VWA8: variants seen among roughly 807,000 people sequenced by gnomAD.
VWA8 encodes the protein von Willebrand factor A domain-containing protein 8.
In VWA8, 221 loss-of-function variants were observed where a neutral mutation model predicts 241.5. That is an observed-to-expected ratio of 0.91 (90% CI 0.82 to 1.02). The LOEUF (loss-of-function observed/expected upper bound fraction) is 1.02. Among genes scored for constraint, VWA8 ranks in the 50% least tolerant of loss-of-function variants. The pLI, the probability that VWA8 is intolerant of heterozygous loss-of-function variation, is 0.00. For synonymous variants in VWA8, 852 were observed against 827.1 expected (o/e 1.03, Z -0.52); for missense variants, 2,322 against 2,328.7 (o/e 1.00, Z 0.06).
intron 15 of VWA8, 132 bp downstream of exon 15, chr13:41,819,086 T>C: frequency 2.3e-6 from 2 of 874,066 alleles, no homozygotes; most frequent in South Asian, 2.0e-5. Context: ...CCTTCACCAC[T>C]GTATGAAGAA....
At chr13:41,711,346 T>A (rs575984055) in intron 26 of VWA8, among the ~76,000 whole-genome samples, 1 of 152,316 alleles carries the variant, frequency 6.6e-6, no homozygotes, top group Non-Finnish European at 1.5e-5. Context: ...CCAGATCTGT[T>A]TGAACCCAAT....
Position 41,891,458 on chromosome 13 carries a change from A to G in VWA8, c.613T>C (p.Phe205Leu). ...TCGTAACGCTCAGCAGACATCAGGA[A>G]GCGTCCATCTTCAAGCTGCATCTCT... ...NREMQLEDGR[F>L]LMSAERYDKL... is the part of the protein sequence containing the mutation. The change falls in exon 5 of 45, where the codon TTC becomes CTC. Residue 205 changes from phenylalanine to leucine, a missense_variant. Coordinates refer to ENST00000379310, the MANE Select transcript of VWA8 (RefSeq NM_015058.2). 6.2e-7 allele frequency: 1 copy of G among 1,614,214 alleles called. No homozygotes were observed. The highest frequency in any genetic ancestry group is 8.5e-7 in the Non-Finnish European group (1 of 1,180,032).
chr13:41,816,729 G>A lies in VWA8; in HGVS notation c.1916C>T (p.Thr639Ile). The A allele has an allele frequency of 6.2e-7, 1 of 1,613,710 alleles. No individual in the cohort carries two copies. The highest frequency in any genetic ancestry group is 8.5e-7 in the Non-Finnish European group (1 of 1,179,806). ...QEALDKLLSFTHKLRETQDPT... is the reference protein window; with the variant it reads ...QEALDKLLSFIHKLRETQDPT... ...ATCCTGTGTTTCTCTGAGTTTGTGT[G>A]TAAATGATAATAACTTATCCAGAGC... The change falls in exon 16 of 45, where the codon ACA becomes ATA. Residue 639 changes from threonine to isoleucine, a missense_variant. By Grantham distance (89) the Thr-to-Ile change is moderately conservative. Transcript: ENST00000379310.
At chr13:41,812,701 A>G (rs1870525500) in intron 16 of VWA8, among the ~76,000 whole-genome samples, 1 of 152,260 alleles carries the variant, frequency 6.6e-6, no homozygotes, top group African/African-American at 2.4e-5. Flanking sequence ...CTCAGCTACA[A>G]CATTAGTATT....
At chr13:41,885,276 A>G (rs1240390456) in intron 8 of VWA8, among the ~76,000 whole-genome samples, 1 of 152,230 alleles carries the variant, frequency 6.6e-6, no homozygotes, top group Non-Finnish European at 1.5e-5. Context: ...GTGATTAAAC[A>G]CATTTGCCTG....
At chr13:41,794,576 TA>T (rs1336985641) in intron 17 of VWA8, among the ~76,000 whole-genome samples, 1 of 152,236 alleles carries the variant, frequency 6.6e-6, no homozygotes, top group Non-Finnish European at 1.5e-5. Context: ...ATGTCATCTG[TA>T]AACAAAGATA....
At chr13:41,860,962 G>A (rs999785904) in intron 12 of VWA8, among the ~76,000 whole-genome samples, 1 of 151,702 alleles carries the variant, frequency 6.6e-6, no homozygotes, top group Non-Finnish European at 1.5e-5. Flanking sequence ...ATTTTAATGT[G>A]AAGAAAATAT....
At chr13:41,799,765 A>G (rs1869864657) in intron 17 of VWA8, among the ~76,000 whole-genome samples, 1 of 152,158 alleles carries the variant, frequency 6.6e-6, no homozygotes, top group African/African-American at 2.4e-5. Context: ...CTTTTTAAGT[A>G]TTAGCTCTAT....
intron 2 of VWA8, among the ~76,000 whole-genome samples, chr13:41,919,080 G>A (rs1180872206): frequency 2.0e-5 from 3 of 151,990 alleles, no homozygotes; most frequent in Non-Finnish European, 2.9e-5. Context: ...ATGAAAAAAC[G>A]ACATTTCCAC....
intron 21 of VWA8, among the ~76,000 whole-genome samples, chr13:41,745,123 G>A (rs942218344): frequency 6.6e-6 from 1 of 152,082 alleles, no homozygotes; most frequent in African/African-American, 2.4e-5. Flanking sequence ...ACAGGCATGA[G>A]CCACTGCACC....
At chr13:41,960,238 C>T (rs949148814) in intron 1 of VWA8, among the ~76,000 whole-genome samples, 14 of 152,214 alleles carry the variant, frequency 9.2e-5, no homozygotes, top group African/African-American at 3.1e-4. Flanking sequence ...CTTTTCCCTT[C>T]TGGGTTTCAA....
At chr13:41,952,411 C>T (rs1878176352) in intron 1 of VWA8, among the ~76,000 whole-genome samples, 3 of 152,130 alleles carry the variant, frequency 2.0e-5, no homozygotes, top group Admixed American at 2.0e-4. Context: ...TCTACAGTAG[C>T]TTTTCTTTTA....
chr13:41,777,395 G>A (rs1355874266), intron 20 of VWA8, among the ~76,000 whole-genome samples: 1 of 152,142 alleles, frequency 6.6e-6, no homozygotes, highest in African/African-American at 2.4e-5. Context: ...CATGTACTGA[G>A]GACCAGAGCA....
chr13:41,847,747 T>C (rs1872352458), intron 12 of VWA8, among the ~76,000 whole-genome samples: 1 of 152,184 alleles, frequency 6.6e-6, no homozygotes, highest in Admixed American at 6.5e-5. Flanking sequence ...GGGTAAAGTG[T>C]CTTTATTTTA....
At chr13:41,760,344 C>T (rs1308543448) in intron 21 of VWA8, among the ~76,000 whole-genome samples, 1 of 151,754 alleles carries the variant, frequency 6.6e-6, no homozygotes. Context: ...CTAACTCTGC[C>T]CTTTATTCTC....
At chr13:41,665,577 A>C (rs2044980490) in intron 37 of VWA8, among the ~76,000 whole-genome samples, 1 of 152,100 alleles carries the variant, frequency 6.6e-6, no homozygotes, top group African/African-American at 2.4e-5. Context: ...TTAAGTAAGT[A>C]CTTAATGTAA....
chr13:41,684,722 T>C (rs1180627286), intron 35 of VWA8, among the ~76,000 whole-genome samples: 1 of 152,176 alleles, frequency 6.6e-6, no homozygotes, highest in Non-Finnish European at 1.5e-5. Flanking sequence ...CTTAGGAGTT[T>C]AAGACAAAAG....
intron 26 of VWA8, among the ~76,000 whole-genome samples, chr13:41,710,782 C>T (rs968899667): frequency 6.6e-6 from 1 of 152,190 alleles, no homozygotes; most frequent in Non-Finnish European, 1.5e-5. Flanking sequence ...GTTGGATAAA[C>T]AGTAAACTGA....
chr13:41,737,884 T>TA (rs1461196771), intron 21 of VWA8, among the ~76,000 whole-genome samples: 3 of 150,320 alleles, frequency 2.0e-5, no homozygotes, highest in Non-Finnish European at 4.4e-5. Context: ...AATGTAAAAT[T>TA]AAAAAAAAGA....
Sources: allele counts gnomAD v4.1 joint callset (sites outside exome capture counted in the v4.1 genomes callset), GRCh38; gene constraint gnomAD v4.1.1; transcripts MANE v1.5; gene names NCBI Gene and HGNC (gene_info 2026-07-23, HGNC 2026-07-21).